The following DTNBP1 variants were observed in gnomAD, a reference collection of about 807,000 sequenced individuals.
DTNBP1 encodes the protein dystrobrevin binding protein 1, also known as dysbindin.
Under a neutral mutation model 42.8 loss-of-function variants are expected in DTNBP1, and 35 were observed. That is an observed-to-expected ratio of 0.82 (90% CI 0.63 to 1.09). DTNBP1 has a LOEUF of 1.09. Ranked by LOEUF, DTNBP1 falls within the 50% of genes least tolerant of loss-of-function variation. The probability of loss-of-function intolerance (pLI) is 0.00; values close to 1 mark genes in which losing one functional copy is unlikely to be tolerated. For missense variants in DTNBP1, 457 were observed against 424.2 expected (o/e 1.08, Z -0.68); for synonymous variants, 171 against 162.2 (o/e 1.05, Z -0.41).
chr6:15,661,512 G>C (rs1761627414), intron 1 of DTNBP1, among the ~76,000 whole-genome samples: 1 of 152,274 alleles, frequency 6.6e-6, no homozygotes, highest in South Asian at 2.1e-4. Context: ...ACAAAAATAA[G>C]CCGGGCGCCT....
At chr6:15,637,228 G>A (rs1760081915) in intron 4 of DTNBP1, among the ~76,000 whole-genome samples, 2 of 152,180 alleles carry the variant, frequency 1.3e-5, no homozygotes, top group Non-Finnish European at 2.9e-5. Flanking sequence ...CATTTACCAA[G>A]TCATTTAAAT....
chr6:15,561,040 G>A (rs529377574), intron 7 of DTNBP1, among the ~76,000 whole-genome samples: 11 of 152,308 alleles, frequency 7.2e-5, no homozygotes, highest in African/African-American at 2.6e-4. Flanking sequence ...AGACTGGAGA[G>A]AGAAAAACTA....
At chr6:15,605,949 T>C (rs958330218) in intron 6 of DTNBP1, among the ~76,000 whole-genome samples, 2 of 152,242 alleles carry the variant, frequency 1.3e-5, no homozygotes, top group African/African-American at 2.4e-5. Context: ...AACAGTAATA[T>C]CATTTTACAT....
rs891244749 is a variant in DTNBP1 at position 15,587,701 on chromosome 6, T to G, written c.511+5358A>C. ...GGGAGACTTCGGGCATGGTGCAGCC[T>G]AGAGCCCCAAGGTCTGCCAAAAAAT... On this transcript the variant is annotated intron_variant, in intron 7 of 9. Transcript: ENST00000344537. This position sits in a 1 kb window ranked among gnomAD's most constrained non-coding sequence, Gnocchi z 4.1. 6.6e-6 allele frequency among the ~76,000 whole-genome samples: 1 copy of G among 152,184 alleles called. No individual in the cohort carries two copies. Among genetic ancestry groups the G allele is most frequent in the Non-Finnish European group, 1.5e-5 (1 of 68,034 alleles).
At chr6:15,532,697 C>T (rs1314045213) in intron 8 of DTNBP1, among the ~76,000 whole-genome samples, 58 of 93,086 alleles carry the variant, frequency 6.2e-4, no homozygotes, top group African/African-American at 1.0e-3. Flanking sequence ...TGTTTGTAAT[C>T]TTTTTTTTTT....
chr6:15,595,819 T>C (rs184059846), intron 6 of DTNBP1, among the ~76,000 whole-genome samples: 3 of 152,338 alleles, frequency 2.0e-5, no homozygotes, highest in East Asian at 3.9e-4. Flanking sequence ...CAGCAAGTAC[T>C]TGTCCTGGAG....
chr6:15,554,071 C>T (rs1203899612), intron 7 of DTNBP1, among the ~76,000 whole-genome samples: 2 of 152,128 alleles, frequency 1.3e-5, no homozygotes, highest in African/African-American at 4.8e-5. Flanking sequence ...AAGTTCCCCC[C>T]AGTTGACTGC....
At chr6:15,578,697 T>A (rs895024452) in intron 7 of DTNBP1, among the ~76,000 whole-genome samples, 1 of 152,224 alleles carries the variant, frequency 6.6e-6, no homozygotes, top group African/African-American at 2.4e-5. Context: ...AATAACAAGC[T>A]AATATTTATT....
At chr6:15,532,238 G>A (rs975958704) in intron 8 of DTNBP1, among the ~76,000 whole-genome samples, 12 of 152,222 alleles carry the variant, frequency 7.9e-5, no homozygotes, top group East Asian at 7.7e-4. Flanking sequence ...GCCCAGTGCC[G>A]CTGCCCTGCC....
chr6:15,569,353 A>ACCCCCC (rs11332178), intron 7 of DTNBP1, among the ~76,000 whole-genome samples: 59 of 127,118 alleles, frequency 4.6e-4, no homozygotes, highest in Admixed American at 1.1e-3. Flanking sequence ...GCCAGTTAAG[A>ACCCCCC]CCCCCCCCCG....
At chr6:15,545,980 A>G (rs1191040735) in intron 7 of DTNBP1, 1 of 433,100 alleles carries the variant, frequency 2.3e-6, no homozygotes, top group African/African-American at 2.1e-5. Flanking sequence ...CTCACCTCCC[A>G]CCATGCACCC....
chr6:15,622,333 C>A (rs1237975189), intron 5 of DTNBP1, among the ~76,000 whole-genome samples: 1 of 152,004 alleles, frequency 6.6e-6, no homozygotes, highest in Non-Finnish European at 1.5e-5. Flanking sequence ...ACTTAGCAGA[C>A]TTGAAATCAG....
rs553183555 is a variant in DTNBP1 at position 15,626,559 on chromosome 6, T to TCTTAAG, written c.355+778_355+783dup. Reference sequence around the variant, plus strand: ...GCTCCTACCTCCTACTTTACTAAGATCTTAAGCTTGATTAGGAAATAGTAA... The same window carrying TCTTAAG: ...GCTCCTACCTCCTACTTTACTAAGATCTTAAGCTTAAGCTTGATTAGGAAATAGTAA... On this transcript the variant is annotated intron_variant, in intron 5 of 9. Coordinates refer to ENST00000344537, the MANE Select transcript of DTNBP1 (RefSeq NM_032122.5). 1.6e-4 allele frequency among the ~76,000 whole-genome samples: 25 copies of TCTTAAG among 152,348 alleles called. No homozygotes were observed. The East Asian group carries it at 4.4e-3, about 27-fold the overall frequency.
rs79103433 is a variant in DTNBP1 at position 15,525,273 on chromosome 6, C to T, written c.668-604G>A. Among the ~76,000 whole-genome samples, 214 of 152,346 alleles carry T rather than the reference C, an allele frequency of 1.4e-3. 2 individuals are homozygous for T. The East Asian group carries it at 0.03, about 21-fold the overall frequency. On this transcript the variant is annotated intron_variant, in intron 8 of 9. Coordinates refer to ENST00000344537, the MANE Select transcript of DTNBP1 (RefSeq NM_032122.5). ...AGCACATGCCTAGTTGGCCTCTGCC[C>T]GGGCACTGAGCACGGGATGCCCCAC...
At chr6:15,612,434 G>T (rs1758460049) in intron 6 of DTNBP1, among the ~76,000 whole-genome samples, 1 of 152,122 alleles carries the variant, frequency 6.6e-6, no homozygotes, top group South Asian at 2.1e-4. Flanking sequence ...TTGAGGTATT[G>T]CTATCATATG....
chr6:15,654,910 T>C (rs1038325360), intron 1 of DTNBP1, among the ~76,000 whole-genome samples: 6 of 152,238 alleles, frequency 3.9e-5, no homozygotes, highest in African/African-American at 1.2e-4. Flanking sequence ...TTTTATTAGT[T>C]ATGACATCAG....
At chr6:15,653,556 T>A (rs1761130597) in intron 1 of DTNBP1, among the ~76,000 whole-genome samples, 1 of 152,238 alleles carries the variant, frequency 6.6e-6, no homozygotes, top group African/African-American at 2.4e-5. Context: ...CAGACTCTTT[T>A]AATGTAAAAT....
At chr6:15,643,958 GC>G (rs1347776700) in intron 3 of DTNBP1, among the ~76,000 whole-genome samples, 1 of 151,944 alleles carries the variant, frequency 6.6e-6, no homozygotes, top group Non-Finnish European at 1.5e-5. Context: ...AAAGGAAACA[GC>G]CTAAATCCTC....
At chr6:15,608,038 G>A (rs1383922416) in intron 6 of DTNBP1, among the ~76,000 whole-genome samples, 1 of 151,680 alleles carries the variant, frequency 6.6e-6, no homozygotes, top group African/African-American at 2.4e-5. Context: ...ATTACTTCTT[G>A]ATTTCCTGCT....
Sources: gnomAD v4.1 joint callset for allele counts (sites outside exome capture counted in the v4.1 genomes callset) on GRCh38, gnomAD v4.1.1 for gene constraint, Gnocchi (gnomAD v3.1) non-coding constraint, MANE v1.5 for transcripts, NCBI Gene and HGNC (gene_info 2026-07-23, HGNC 2026-07-21) for gene names.